KCNMB2: variants seen among roughly 807,000 people sequenced by gnomAD.
KCNMB2 encodes the protein potassium calcium-activated channel subfamily M regulatory beta subunit 2.
KCNMB2 carries 9 observed loss-of-function variants against 24.5 expected under a neutral mutation model. The observed-to-expected ratio is 0.37, with a 90% CI of 0.22 to 0.64. The LOEUF (loss-of-function observed/expected upper bound fraction) is 0.64, where lower values mean the gene tolerates loss of function less well. Ranked by LOEUF, KCNMB2 falls within the 30% of genes least tolerant of loss-of-function variation. The probability of loss-of-function intolerance (pLI) is 0.63; values close to 1 mark genes in which losing one functional copy is unlikely to be tolerated. For missense variants in KCNMB2, 226 were observed against 284.3 expected, an observed-to-expected ratio of 0.79 and a Z score of 1.47; for synonymous variants, 109 against 104.4, an observed-to-expected ratio of 1.04 and a Z score of -0.27.
chr3:178,647,656 AGTT>A (rs1269372546), intron 1 of KCNMB2, among the ~76,000 whole-genome samples: 1 of 152,228 alleles, frequency 6.6e-6, no homozygotes, highest in African/African-American at 2.4e-5. Context: ...ACTTAATAAT[AGTT>A]AAGTAGGCTT....
chr3:178,836,332 T>C (rs1284304421), intron 4 of KCNMB2, among the ~76,000 whole-genome samples: 1 of 152,026 alleles, frequency 6.6e-6, no homozygotes, highest in African/African-American at 2.4e-5. Flanking sequence ...AAAAAAAAAT[T>C]TAGTCAGTTC....
rs1207054122 is a variant in KCNMB2, at chr3:178,758,688, A to T, written c.-67-48655A>T. Reference sequence around the variant, plus strand: ...TCTCCAAGAGGATATATATATATATATCTCTCTCTCTACAAGAGGAGATAT... The same window carrying T: ...TCTCCAAGAGGATATATATATATATTTCTCTCTCTCTACAAGAGGAGATAT... On this transcript the variant is annotated intron_variant, in intron 1 of 4. Coordinates refer to ENST00000452583, the MANE Select transcript of KCNMB2 (RefSeq NM_181361.3). Among the ~76,000 whole-genome samples the T allele has an allele frequency of 1.8e-4, 4 of 21,842 alleles. No individual in the cohort carries two copies. In the African/African-American group the frequency reaches 1.9e-3, roughly 10 times the overall value. 14.3% of individuals were successfully genotyped at this position (21,842 alleles called of 152,430 possible).
At chr3:178,817,756 G>C (rs1714465902) in intron 2 of KCNMB2, among the ~76,000 whole-genome samples, 1 of 152,180 alleles carries the variant, frequency 6.6e-6, no homozygotes, top group Non-Finnish European at 1.5e-5. Context: ...CTGGAGGTCT[G>C]TTCTAGCCAT....
chr3:178,727,649 A>T (rs145008695), intron 1 of KCNMB2, among the ~76,000 whole-genome samples: 33 of 152,274 alleles, frequency 2.2e-4, no homozygotes, highest in African/African-American at 6.5e-4. Flanking sequence ...GGAGGAAGGG[A>T]GTCATGAGCC....
chr3:178,803,648 C>A (rs183254655), intron 1 of KCNMB2, among the ~76,000 whole-genome samples: 2 of 152,180 alleles, frequency 1.3e-5, no homozygotes, highest in East Asian at 1.9e-4. Flanking sequence ...CAGATTTGCA[C>A]GCAAACAGGA....
At chr3:178,778,399 G>A (rs1244373501) in intron 1 of KCNMB2, among the ~76,000 whole-genome samples, 1 of 150,890 alleles carries the variant, frequency 6.6e-6, no homozygotes, top group Non-Finnish European at 1.5e-5. Flanking sequence ...GGAAAGCTGA[G>A]AGTCAGTCAT....
At chr3:178,763,135 G>T (rs1178216654) in intron 1 of KCNMB2, among the ~76,000 whole-genome samples, 1 of 152,182 alleles carries the variant, frequency 6.6e-6, no homozygotes, top group African/African-American at 2.4e-5. Flanking sequence ...ACTGAAAACT[G>T]TGGGAGGTTT....
intron 1 of KCNMB2, among the ~76,000 whole-genome samples, chr3:178,726,928 T>G (rs1722984998): frequency 6.6e-6 from 1 of 152,076 alleles, no homozygotes; most frequent in Non-Finnish European, 1.5e-5. Flanking sequence ...GTTCTTTCAT[T>G]GATTTTTCCA....
At chr3:178,706,041 G>A (rs1053410527) in intron 1 of KCNMB2, among the ~76,000 whole-genome samples, 1 of 152,066 alleles carries the variant, frequency 6.6e-6, no homozygotes, top group Non-Finnish European at 1.5e-5. Context: ...GGGAGGGAGG[G>A]GAAAATTTTG....
chr3:178,664,539 A>G (rs1222078441), intron 1 of KCNMB2, among the ~76,000 whole-genome samples: 2 of 152,112 alleles, frequency 1.3e-5, no homozygotes, highest in African/African-American at 4.8e-5. Context: ...GGAGGAGATT[A>G]TGAAGATTGG....
intron 1 of KCNMB2, among the ~76,000 whole-genome samples, chr3:178,611,476 G>A (rs755664369): frequency 3.3e-5 from 5 of 152,104 alleles, no homozygotes; most frequent in East Asian, 1.9e-4. Flanking sequence ...AGGCCGAAGC[G>A]GGCAGGTCAC....
chr3:178,610,062 C>T (rs1718427214), intron 1 of KCNMB2, among the ~76,000 whole-genome samples: 1 of 152,134 alleles, frequency 6.6e-6, no homozygotes, highest in African/African-American at 2.4e-5. Flanking sequence ...TTCTTTACAC[C>T]TTTGTCAAAA....
intron 1 of KCNMB2, among the ~76,000 whole-genome samples, chr3:178,753,740 CA>C (rs1286678512): frequency 3.9e-5 from 6 of 152,096 alleles, no homozygotes; most frequent in African/African-American, 1.4e-4. Flanking sequence ...TGTGGAAAAG[CA>C]AAATCAAGCT....
At chr3:178,685,619 T>C (rs576657324) in intron 1 of KCNMB2, among the ~76,000 whole-genome samples, 1 of 152,236 alleles carries the variant, frequency 6.6e-6, no homozygotes, top group African/African-American at 2.4e-5. Context: ...TTATATAACA[T>C]CATCCTATTG....
intron 1 of KCNMB2, among the ~76,000 whole-genome samples, chr3:178,626,212 G>C (rs528006088): frequency 1.3e-5 from 2 of 152,326 alleles, no homozygotes; most frequent in South Asian, 4.1e-4. Flanking sequence ...GAGTCAGAGA[G>C]ACTTGAATCT....
chr3:178,606,834 A>G (rs1718291193), intron 1 of KCNMB2, among the ~76,000 whole-genome samples: 1 of 152,152 alleles, frequency 6.6e-6, no homozygotes, highest in South Asian at 2.1e-4. Flanking sequence ...ATGGGATTTG[A>G]GCTATAGAGA....
In KCNMB2 at chr3:178,605,906, G is replaced by T. The variant is rs542954052; in HGVS notation, c.-68+69195G>T. On this transcript the variant is annotated intron_variant, in intron 1 of 4. Transcript: ENST00000452583. The stretch of plus-strand genomic sequence containing the variant: ...AACAATAGAATTGTTAGGCAAAAAG[G>T]ATCTAAACTTAAAGATTTGGAAAAT... Among the ~76,000 whole-genome samples the T allele has an allele frequency of 8.5e-4, 130 of 152,246 alleles. 1 individual carries two copies. Among genetic ancestry groups the T allele is most frequent in the Non-Finnish European group, 1.3e-3 (86 of 68,020 alleles).
chr3:178,786,754 T>TA (rs993052607), intron 1 of KCNMB2, among the ~76,000 whole-genome samples: 10 of 149,112 alleles, frequency 6.7e-5, no homozygotes, highest in African/African-American at 1.2e-4. Context: ...GTAAAAAAAC[T>TA]AAAAAAAGTA....
intron 1 of KCNMB2, among the ~76,000 whole-genome samples, chr3:178,714,611 G>A (rs1252697477): frequency 6.6e-6 from 1 of 152,208 alleles, no homozygotes; most frequent in Admixed American, 6.5e-5. Context: ...AGAAGTGAAT[G>A]AGCCCAGTTT....
Sources: gnomAD v4.1 joint callset for allele counts (sites outside exome capture counted in the v4.1 genomes callset) on GRCh38, gnomAD v4.1.1 for gene constraint, MANE v1.5 for transcripts, NCBI Gene and HGNC (gene_info 2026-07-23, HGNC 2026-07-21) for gene names.